Variants in AKAP6 observed in about 807,000 individuals in gnomAD.
AKAP6 encodes the protein A-kinase anchor protein 6.
A neutral mutation model predicts 188.5 loss-of-function variants in AKAP6; 58 were observed. That is an observed-to-expected ratio of 0.31 (90% CI 0.25 to 0.38). The LOEUF (loss-of-function observed/expected upper bound fraction) is 0.38, where lower values mean the gene tolerates loss of function less well. AKAP6 is among the 10% of genes least tolerant of loss of function. The pLI, the probability that AKAP6 is intolerant of heterozygous loss-of-function variation, is 1.00. For synonymous variants in AKAP6, 989 were observed against 998.6 expected, an observed-to-expected ratio of 0.99 and a Z score of 0.18; for missense variants, 2,710 against 2,740.0, an observed-to-expected ratio of 0.99 and a Z score of 0.24.
chr14:32,398,834 C>A (rs1232058931), intron 1 of AKAP6, among the ~76,000 whole-genome samples: 3 of 138,910 alleles, frequency 2.2e-5, no homozygotes, highest in Non-Finnish European at 4.6e-5. Flanking sequence ...CTCTCTCTCT[C>A]TTTCTTCCTG....
At chr14:32,554,095 A>G (rs946644918) in intron 4 of AKAP6, among the ~76,000 whole-genome samples, 2 of 152,294 alleles carry the variant, frequency 1.3e-5, no homozygotes, top group Non-Finnish European at 2.9e-5. Context: ...TATGTGGTAT[A>G]AGTAATAGGG....
intron 1 of AKAP6, among the ~76,000 whole-genome samples, chr14:32,397,468 C>T (rs1486566829): frequency 1.3e-5 from 2 of 150,638 alleles, no homozygotes; most frequent in Admixed American, 1.3e-4. Context: ...GTCTCTGCCT[C>T]CCAGGTTCAA....
chr14:32,712,724 T>A (rs1211474835), intron 9 of AKAP6, among the ~76,000 whole-genome samples: 1 of 152,108 alleles, frequency 6.6e-6, no homozygotes, highest in Non-Finnish European at 1.5e-5. Context: ...CTGTCACATC[T>A]TCAGGCTCTA....
At chr14:32,798,337 G>C (rs1161318708) in intron 12 of AKAP6, among the ~76,000 whole-genome samples, 2 of 152,146 alleles carry the variant, frequency 1.3e-5, no homozygotes, top group Non-Finnish European at 2.9e-5. Flanking sequence ...GCAGTTTGGA[G>C]AGTTCTCAAA....
intron 1 of AKAP6, among the ~76,000 whole-genome samples, chr14:32,371,292 GACT>G (rs1197673596): frequency 6.6e-6 from 1 of 152,104 alleles, no homozygotes; most frequent in African/African-American, 2.4e-5. Flanking sequence ...TACACATGAA[GACT>G]ACTATTTGTT....
intron 1 of AKAP6, among the ~76,000 whole-genome samples, chr14:32,356,147 A>T (rs1229884974): frequency 1.3e-5 from 2 of 152,284 alleles, no homozygotes; most frequent in East Asian, 3.9e-4. Flanking sequence ...AATTGAGAGA[A>T]ATTTTAGTTC....
At chr14:32,658,180 A>G (rs1331214606) in intron 7 of AKAP6, among the ~76,000 whole-genome samples, 2 of 152,098 alleles carry the variant, frequency 1.3e-5, no homozygotes, top group Non-Finnish European at 2.9e-5. Flanking sequence ...CTATATAGTG[A>G]TTGATTTATT....
At chr14:32,734,504 T>C (rs564764681) in intron 10 of AKAP6, 1 of 152,242 alleles carries the variant, frequency 6.6e-6, no homozygotes, top group East Asian at 1.9e-4. Context: ...TCCTCTGTCG[T>C]ATATTTATGA....
chr14:32,788,334 A>G (rs1391088542), intron 12 of AKAP6, among the ~76,000 whole-genome samples: 1 of 152,214 alleles, frequency 6.6e-6, no homozygotes, highest in Non-Finnish European at 1.5e-5. Context: ...TAACAATGAT[A>G]AACTATAAAA....
intron 1 of AKAP6, among the ~76,000 whole-genome samples, chr14:32,379,610 C>T (rs562914251): frequency 6.6e-6 from 1 of 152,178 alleles, no homozygotes; most frequent in South Asian, 2.1e-4. Context: ...TCAGCCCCTC[C>T]TATGAGAGGG....
intron 11 of AKAP6, among the ~76,000 whole-genome samples, chr14:32,756,214 T>C (rs1423469468): frequency 6.6e-6 from 1 of 152,120 alleles, no homozygotes; most frequent in Non-Finnish European, 1.5e-5. Flanking sequence ...CTTGTGTCTG[T>C]GGTGGCTGGG....
chr14:32,520,522 C>T (rs1881771674), intron 2 of AKAP6, among the ~76,000 whole-genome samples: 1 of 152,140 alleles, frequency 6.6e-6, no homozygotes, highest in African/African-American at 2.4e-5. Context: ...GATATCACCA[C>T]CAATCCCACA....
At chr14:32,493,197 T>C (rs1395397529) in intron 2 of AKAP6, among the ~76,000 whole-genome samples, 1 of 152,042 alleles carries the variant, frequency 6.6e-6, no homozygotes, top group Non-Finnish European at 1.5e-5. Context: ...TAAGGCACAC[T>C]CTTTGTTTGT....
intron 1 of AKAP6, among the ~76,000 whole-genome samples, chr14:32,352,077 G>C (rs1371372192): frequency 8.2e-6 from 1 of 121,628 alleles, no homozygotes; most frequent in African/African-American, 3.9e-5. Flanking sequence ...GACCCTGTGT[G>C]TGTGTGTGTG....
intron 2 of AKAP6, among the ~76,000 whole-genome samples, chr14:32,504,782 A>T (rs566639091): frequency 6.6e-6 from 1 of 152,164 alleles, no homozygotes; most frequent in Admixed American, 6.5e-5. Context: ...CAACTCTCAG[A>T]TCTTCATGGC....
At chr14:32,457,360 C>T (rs1195197549) in intron 2 of AKAP6, among the ~76,000 whole-genome samples, 1 of 152,156 alleles carries the variant, frequency 6.6e-6, no homozygotes, top group Non-Finnish European at 1.5e-5. Context: ...AACCCTATTA[C>T]ATCTTCTTCA....
rs760463801 is a variant in AKAP6, at chr14:32,599,475, A to C, written c.2535A>C (p.Gln845His). 6.2e-7 allele frequency: 1 copy of C among 1,613,444 alleles called. No homozygotes were observed. Among genetic ancestry groups the C allele is most frequent in the Non-Finnish European group, 8.5e-7 (1 of 1,179,592 alleles). ...AAGCTGTGGAGGAGGAAGGACACCAACTTCTTGAGCTTATTGCATCTCACA... is the reference window on the plus strand; with the variant it reads ...AAGCTGTGGAGGAGGAAGGACACCACCTTCTTGAGCTTATTGCATCTCACA... ...LKEAVEEEGH[Q>H]LLELIASHKA... Residue 845 changes from glutamine (Q) to histidine (H), a missense_variant, in exon 6 of 14, where the codon CAA (glutamine) becomes CAC (histidine). Physicochemically the swap from Gln to His is conservative, Grantham distance 24. This residue lies in a region of AKAP6 where 2,473 missense variants were observed against 2,426.1 expected (regional missense o/e 1.02). Transcript: ENST00000280979.
intron 11 of AKAP6, among the ~76,000 whole-genome samples, chr14:32,750,789 C>A (rs2032101888): frequency 6.7e-6 from 1 of 150,008 alleles, no homozygotes; most frequent in African/African-American, 2.5e-5. Flanking sequence ...GTCACCCACG[C>A]TGGAGTGCAG....
intron 7 of AKAP6, among the ~76,000 whole-genome samples, chr14:32,660,475 A>T (rs1325657791): frequency 6.6e-6 from 1 of 152,140 alleles, no homozygotes; most frequent in Non-Finnish European, 1.5e-5. Flanking sequence ...GCCTGGAAAG[A>T]AACTTCAATG....
Sources: gnomAD v4.1 joint callset for allele counts (sites outside exome capture counted in the v4.1 genomes callset) on GRCh38, gnomAD v4.1.1 for gene constraint, gnomAD v4.1.1 regional missense constraint, MANE v1.5 for transcripts, NCBI Gene and HGNC (gene_info 2026-07-23, HGNC 2026-07-21) for gene names.